Variants in MAP3K4 observed in about 807,000 individuals in gnomAD.
MAP3K4 encodes mitogen-activated protein kinase kinase kinase 4, also known as MAP three kinase 1.
In MAP3K4, 67 loss-of-function variants were observed where a neutral mutation model predicts 185.6. That is an observed-to-expected ratio of 0.36 (90% CI 0.30 to 0.44). The LOEUF (loss-of-function observed/expected upper bound fraction) is 0.44, where lower values mean the gene tolerates loss of function less well. MAP3K4 is among the 20% of genes least tolerant of loss of function. MAP3K4 has a pLI of 1.00. For synonymous variants in MAP3K4, 702 were observed against 710.4 expected (o/e 0.99, Z 0.19); for missense variants, 1,551 against 1,995.1 (o/e 0.78, Z 4.24).
At chr6:161,020,475 T>G (rs1213646547) in intron 1 of MAP3K4, among the ~76,000 whole-genome samples, 2 of 152,044 alleles carry the variant, frequency 1.3e-5, no homozygotes, top group African/African-American at 4.8e-5. Context: ...CTGGCCAACA[T>G]GGTGAAACTC....
chr6:160,992,331 C>T (rs1780760945), intron 1 of MAP3K4: 3 of 530,554 alleles, frequency 5.7e-6, no homozygotes, highest in East Asian at 3.5e-5. Context: ...GCTCCCCTTC[C>T]CTTGTAGACT....
chr6:161,048,490 C>T lies in MAP3K4; in HGVS notation c.344-126C>T. Reference sequence around the variant, plus strand: ...CCTTTAATTTTTAGGATATGGTATGCTTTTTTTTCTTCCATTAGCAGTCTG... The same window carrying T: ...CCTTTAATTTTTAGGATATGGTATGTTTTTTTTTCTTCCATTAGCAGTCTG... On this transcript the variant is annotated intron_variant, in intron 2 of 26. Transcript: ENST00000392142. The surrounding 1 kb of genome is among the most constrained non-coding windows in gnomAD (Gnocchi z 4.7). The T allele has an allele frequency of 1.6e-6, 1 of 620,734 alleles. No homozygotes were observed. Among genetic ancestry groups the T allele is most frequent in the Non-Finnish European group, 2.7e-6 (1 of 372,614 alleles). 38.5% of individuals were successfully genotyped at this position (620,734 alleles called of 1,614,324 possible).
chr6:161,009,920 A>G (rs1781769549), intron 1 of MAP3K4, among the ~76,000 whole-genome samples: 1 of 152,142 alleles, frequency 6.6e-6, no homozygotes, highest in South Asian at 2.1e-4. Flanking sequence ...TGCTGGGCTT[A>G]ATACCTAGGT....
chr6:161,102,054 A>T, intron 18 of MAP3K4, 62 bp downstream of exon 18: 2 of 1,374,414 alleles, frequency 1.5e-6, no homozygotes, highest in Non-Finnish European at 2.1e-6. Context: ...TCAGTTCACC[A>T]GTTTCTGTTG....
In MAP3K4 at chr6:161,049,443, C is replaced by A. The variant is rs763713833; in HGVS notation, c.1171C>A (p.Gln391Lys). The part of the protein sequence containing the change: ...YAAKDFQDRV[Q>K]ALCLWLNITK... ...TGCAAAAGACTTCCAGGACAGGGTG[C>A]AGGCACTCTGTTTGTGGTTAAACAT... is the stretch of plus-strand genomic sequence containing the variant. The change falls in exon 3 of 27, where the codon CAG becomes AAG. Residue 391 changes from glutamine (Q) to lysine (K), a missense_variant. This residue lies in a region of MAP3K4 where 93 missense variants were observed against 96.7 expected (regional missense o/e 0.96). Transcript: ENST00000392142. This position sits in a 1 kb window ranked among gnomAD's most constrained non-coding sequence, Gnocchi z 8.4. 6.2e-7 allele frequency: 1 copy of A among 1,614,114 alleles called. No homozygotes were observed. Among genetic ancestry groups the A allele is most frequent in the South Asian group, 1.1e-5 (1 of 91,088 alleles).
chr6:161,041,929 T>TC (rs1411013427), intron 2 of MAP3K4, among the ~76,000 whole-genome samples: 13 of 135,148 alleles, frequency 9.6e-5, no homozygotes, highest in African/African-American at 3.9e-4. Flanking sequence ...TTTTTTTCTT[T>TC]TTTTTTTTTT....
chr6:161,079,876 T>C (rs1785363306), intron 5 of MAP3K4, among the ~76,000 whole-genome samples: 1 of 152,200 alleles, frequency 6.6e-6, no homozygotes, highest in Non-Finnish European at 1.5e-5. Flanking sequence ...ACTTCAGATT[T>C]GCCTACTGAA....
Position 161,112,854 on chromosome 6 carries a change from AT to A in MAP3K4, c.4626+83del. Reference sequence around the variant, plus strand: ...ACAGAACAGTAGTTATGGATTGATTATTTATTACAAACACTGTGGACACTAA... The same window carrying A: ...ACAGAACAGTAGTTATGGATTGATTATTATTACAAACACTGTGGACACTAA... On this transcript the variant is annotated intron_variant, in intron 25 of 26. Transcript: ENST00000392142. The surrounding 1 kb of genome is among the most constrained non-coding windows in gnomAD (Gnocchi z 5.1). 1 of 808,446 alleles carries A rather than the reference AT, an allele frequency of 1.2e-6. No homozygotes were observed. The highest frequency in any genetic ancestry group is 1.8e-6 in the Non-Finnish European group (1 of 557,332). 50.1% of individuals were successfully genotyped at this position (808,446 alleles called of 1,614,324 possible).
intron 6 of MAP3K4, among the ~76,000 whole-genome samples, chr6:161,083,465 C>T (rs1390499949): frequency 6.6e-6 from 1 of 152,182 alleles, no homozygotes; most frequent in African/African-American, 2.4e-5. Flanking sequence ...AGACCCCTTT[C>T]CCAATCAGAT....
At position 161,093,733 on chromosome 6, in the gene MAP3K4, T is replaced by C; in HGVS notation, c.3349-40T>C. 1 of 1,194,484 alleles carries C rather than the reference T, an allele frequency of 8.4e-7. No individual in the cohort carries two copies. Among genetic ancestry groups the C allele is most frequent in the East Asian group, 2.3e-5 (1 of 42,652 alleles). The allele number at this position is 1,194,484 out of a possible 1,614,324, so 74.0% of individuals were successfully genotyped here. A position where few individuals can be genotyped will look rare whatever the true frequency, so the allele number is the denominator to read the frequency against. On this transcript the variant is annotated intron_variant, in intron 14 of 26. Transcript: ENST00000392142. The surrounding 1 kb of genome is among the most constrained non-coding windows in gnomAD (Gnocchi z 5.2). Reference sequence around the variant, plus strand: ...ACTTACATAATTAAGAAAGTATGCATGTTTTCTCTTTACCTTTCCCATTTT... The same window carrying C: ...ACTTACATAATTAAGAAAGTATGCACGTTTTCTCTTTACCTTTCCCATTTT...
At chr6:161,062,274 T>C (rs1784517557) in intron 3 of MAP3K4, among the ~76,000 whole-genome samples, 1 of 152,232 alleles carries the variant, frequency 6.6e-6, no homozygotes, top group African/African-American at 2.4e-5. Flanking sequence ...TTATTTCATA[T>C]GCCCTTTCTT....
intron 1 of MAP3K4, among the ~76,000 whole-genome samples, chr6:161,025,878 GT>G (rs954061484): frequency 4.6e-5 from 7 of 152,110 alleles, no homozygotes; most frequent in African/African-American, 1.7e-4. Flanking sequence ...AGCTTTGACA[GT>G]TTTTTATCTT....
intron 2 of MAP3K4, among the ~76,000 whole-genome samples, chr6:161,040,862 C>T (rs567676455): frequency 2.0e-5 from 3 of 152,370 alleles, no homozygotes; most frequent in East Asian, 1.9e-4. Flanking sequence ...GGCAGTGACT[C>T]CTGTGAGGTC....
rs1306764244 is a variant in MAP3K4 at position 161,096,710 on chromosome 6, C to A, written c.3428-370C>A. On this transcript the variant is annotated intron_variant, in intron 15 of 26. Coordinates refer to ENST00000392142, the MANE Select transcript of MAP3K4 (RefSeq NM_005922.4). This position sits in a 1 kb window ranked among gnomAD's most constrained non-coding sequence, Gnocchi z 4.9. ...GGACCTCTTGAAATGTCGCCAGTGA[C>A]CACAATCTTTTTAACGTGTAGACAA... 1 of 168,270 alleles carries A rather than the reference C, an allele frequency of 5.9e-6. No homozygotes were observed. Among genetic ancestry groups the A allele is most frequent in the Non-Finnish European group, 1.3e-5 (1 of 77,910 alleles). The allele number at this position is 168,270 out of a possible 1,614,324, so 10.4% of individuals were successfully genotyped here. A position where few individuals can be genotyped will look rare whatever the true frequency, so the allele number is the denominator to read the frequency against.
chr6:161,049,786 G>A lies in MAP3K4; in HGVS notation c.1514G>A (p.Gly505Asp). The A allele has an allele frequency of 6.2e-7, 1 of 1,614,128 alleles. No individual in the cohort carries two copies. The highest frequency in any genetic ancestry group is 8.5e-7 in the Non-Finnish European group (1 of 1,180,008). ...CTCGAATCTGAGGATGATTCTCTTG[G>A]CTGGGGAGCACCAGACTGGAGCACA... is the stretch of plus-strand genomic sequence containing the variant. The part of the protein sequence containing the change: ...ERLESEDDSL[G>D]WGAPDWSTEA... The change falls in exon 3 of 27, where the codon GGC becomes GAC. Residue 505 changes from glycine (G) to aspartate (D), a missense_variant. By Grantham distance (94) the Gly-to-Asp change is moderately conservative (BLOSUM62 -1). Transcript: ENST00000392142. The surrounding 1 kb of genome is among the most constrained non-coding windows in gnomAD (Gnocchi z 8.4).
In MAP3K4 at chr6:161,098,354, G is replaced by A. The variant is rs1484920594; in HGVS notation, c.3601G>A (p.Ala1201Thr). 3 of 1,613,516 alleles carry A rather than the reference G, an allele frequency of 1.9e-6. No homozygotes were observed. In the African/African-American group the frequency reaches 4.0e-5, roughly 22 times the overall value. The change falls in exon 17 of 27, where the codon GCT becomes ACT. Residue 1201 changes from alanine (A) to threonine (T), a missense_variant. By Grantham distance (58) the Ala-to-Thr change is moderately conservative. This residue lies in a region of MAP3K4 where 272 missense variants were observed against 301.2 expected (regional missense o/e 0.90). Coordinates refer to ENST00000392142, the MANE Select transcript of MAP3K4 (RefSeq NM_005922.4). This position sits in a 1 kb window ranked among gnomAD's most constrained non-coding sequence, Gnocchi z 4.4. ...TGCTGCTGCTGCTGCTGCTGCTGTT[G>A]CTGCCAGTCGGCCCAGCCCCTCTGG... is the stretch of plus-strand genomic sequence containing the variant. ...AAAAAAAAAV[A>T]ASRPSPSGGD...
Position 161,112,817 on chromosome 6 carries a change from C to A in MAP3K4, c.4626+43C>A. 7.4e-7 allele frequency: 1 copy of A among 1,352,800 alleles called. No homozygotes were observed. The highest frequency in any genetic ancestry group is 2.3e-5 in the Admixed American group (1 of 43,560). The allele number at this position is 1,352,800 out of a possible 1,614,324, so 83.8% of individuals were successfully genotyped here. Reference sequence around the variant, plus strand: ...ACCTGGCGGAGCAACTTCAGAAGGGCACTGTGCATTAACAGAACAGTAGTT... The same window carrying A: ...ACCTGGCGGAGCAACTTCAGAAGGGAACTGTGCATTAACAGAACAGTAGTT... On this transcript the variant is annotated intron_variant, in intron 25 of 26. Coordinates refer to ENST00000392142, the MANE Select transcript of MAP3K4 (RefSeq NM_005922.4). The surrounding 1 kb of genome is among the most constrained non-coding windows in gnomAD (Gnocchi z 5.1).
rs1466616716 is a variant in MAP3K4, at chr6:161,076,366, G to A, written c.2097+2754G>A. Among the ~76,000 whole-genome samples, 3 of 152,200 alleles carry A rather than the reference G, an allele frequency of 2.0e-5. No homozygotes were observed. The highest frequency in any genetic ancestry group is 2.9e-5 in the Non-Finnish European group (2 of 68,040). On this transcript the variant is annotated intron_variant, in intron 5 of 26. Transcript: ENST00000392142. The surrounding 1 kb of genome is among the most constrained non-coding windows in gnomAD (Gnocchi z 4.2). ...TGCCGAATGGGAGCTCTCTTAGCAG[G>A]GGGAGGGGAAGCAGTGATTAGCAAG...
chr6:161,050,590 G>T (rs1042002799), intron 3 of MAP3K4, among the ~76,000 whole-genome samples: 2 of 152,198 alleles, frequency 1.3e-5, no homozygotes, highest in African/African-American at 2.4e-5. Context: ...GATATGTGTA[G>T]ATTTTTGTGA....
Sources: allele counts gnomAD v4.1 joint callset (sites outside exome capture counted in the v4.1 genomes callset), GRCh38; gene constraint gnomAD v4.1.1; regional missense constraint gnomAD v4.1.1; non-coding constraint Gnocchi (gnomAD v3.1); transcripts MANE v1.5; gene names NCBI Gene and HGNC (gene_info 2026-07-23, HGNC 2026-07-21).